GLRB: variants seen among roughly 807,000 people sequenced by gnomAD.
GLRB encodes glycine receptor subunit beta.
GLRB carries 33 observed loss-of-function variants against 54.2 expected under a neutral mutation model. The observed-to-expected ratio is 0.61, with a 90% CI of 0.46 to 0.81. The LOEUF (loss-of-function observed/expected upper bound fraction) is 0.81, where lower values mean the gene tolerates loss of function less well. GLRB is among the 40% of genes least tolerant of loss of function. The pLI, the probability that GLRB is intolerant of heterozygous loss-of-function variation, is 0.00. For missense variants in GLRB, 572 were observed against 584.6 expected (o/e 0.98, Z 0.22); for synonymous variants, 209 against 208.2 (o/e 1.00, Z -0.03).
rs578104026 is a variant in GLRB at position 157,119,624 on chromosome 4, G to A, written c.123-932G>A. The stretch of plus-strand genomic sequence containing the variant: ...AAATATATATATTTTTAATAACAAT[G>A]TCTTTTGGGTTTTTAACAATATTTA... On this transcript the variant is annotated intron_variant, in intron 2 of 9. Transcript: ENST00000264428. Among the ~76,000 whole-genome samples, 14 of 151,692 alleles carry A rather than the reference G, an allele frequency of 9.2e-5. No individual in the cohort carries two copies. The East Asian group carries it at 2.7e-3, about 30-fold the overall frequency.
At chr4:157,132,099 A>G (rs1055469535) in intron 4 of GLRB, among the ~76,000 whole-genome samples, 6 of 151,784 alleles carry the variant, frequency 4.0e-5, no homozygotes, top group African/African-American at 1.2e-4. Context: ...TGGCCATTCA[A>G]ATAGGTGTGT....
intron 4 of GLRB, among the ~76,000 whole-genome samples, chr4:157,134,862 A>G (rs1430326743): frequency 6.6e-6 from 1 of 151,458 alleles, no homozygotes. Flanking sequence ...TTGTTAATGC[A>G]ATTGGTAGTA....
At chr4:157,154,505 G>A (rs139838848) in intron 9 of GLRB, among the ~76,000 whole-genome samples, 4,435 of 131,254 alleles carry the variant, frequency 0.034, 116 homozygotes, top group African/African-American at 0.077. Flanking sequence ...TCGGCTCACC[G>A]CAACATCTGC....
intron 2 of GLRB, among the ~76,000 whole-genome samples, chr4:157,101,884 A>C (rs1735044494): frequency 6.6e-6 from 1 of 151,786 alleles, no homozygotes; most frequent in African/African-American, 2.4e-5. Context: ...TTAATTTTTA[A>C]AGTTGAAATA....
At chr4:157,098,771 A>T (rs547043749) in intron 2 of GLRB, among the ~76,000 whole-genome samples, 403 of 151,326 alleles carry the variant, frequency 2.7e-3, no homozygotes, top group Non-Finnish European at 2.5e-3. Context: ...ATGCTGGCTA[A>T]TTTTTTTTGT....
At chr4:157,160,763 A>G (rs1032392901) in intron 9 of GLRB, among the ~76,000 whole-genome samples, 1 of 152,042 alleles carries the variant, frequency 6.6e-6, no homozygotes. Context: ...TATGTGGTCA[A>G]TTTTGGAATA....
chr4:157,135,753 A>G (rs775739809), intron 4 of GLRB, among the ~76,000 whole-genome samples: 15 of 152,188 alleles, frequency 9.9e-5, no homozygotes, highest in Non-Finnish European at 1.9e-4. Flanking sequence ...TTCAAGGAAG[A>G]TTTTTAGCAA....
chr4:157,137,203 T>C (rs1260241674), intron 6 of GLRB, among the ~76,000 whole-genome samples: 5 of 152,140 alleles, frequency 3.3e-5, no homozygotes, highest in Admixed American at 3.3e-4. Flanking sequence ...CTAATTTCAA[T>C]AGCATTTCTG....
At chr4:157,103,907 T>C (rs183096311) in intron 2 of GLRB, among the ~76,000 whole-genome samples, 27 of 152,056 alleles carry the variant, frequency 1.8e-4, no homozygotes, top group Admixed American at 1.7e-3. Flanking sequence ...TTTACTGAAA[T>C]TTGTTTATCA....
At chr4:157,091,489 G>A (rs1232364054) in intron 2 of GLRB, 2 of 152,130 alleles carry the variant, frequency 1.3e-5, no homozygotes, top group African/African-American at 2.4e-5. Context: ...GTGGAAAAAA[G>A]TAAATAACAT....
chr4:157,095,339 A>T (rs1019594528), intron 2 of GLRB, among the ~76,000 whole-genome samples: 1 of 151,470 alleles, frequency 6.6e-6, no homozygotes, highest in African/African-American at 2.4e-5. Context: ...ATTTACTGAG[A>T]TATCTGTTAA....
At chr4:157,154,506 C>T (rs544657244) in intron 9 of GLRB, among the ~76,000 whole-genome samples, 1 of 149,182 alleles carries the variant, frequency 6.7e-6, no homozygotes, top group East Asian at 2.0e-4. Flanking sequence ...CGGCTCACCG[C>T]AACATCTGCC....
intron 4 of GLRB, among the ~76,000 whole-genome samples, chr4:157,128,443 A>C (rs1736093923): frequency 6.6e-6 from 1 of 151,848 alleles, no homozygotes; most frequent in Non-Finnish European, 1.5e-5. Context: ...TTATTAGTGG[A>C]TATGAAAAAA....
In GLRB at chr4:157,143,803, A is replaced by G. The variant is rs1736703085; in HGVS notation, c.752-4A>G. ...CATGCCTTGAATGTGTTTGCTTCTG[A>G]AAGGCTACTACACATGCGTGGAAGT... On this transcript the variant is annotated splice_region_variant and splice_polypyrimidine_tract_variant and intron_variant, in intron 7 of 9. Coordinates refer to ENST00000264428, the MANE Select transcript of GLRB (RefSeq NM_000824.5). The G allele has an allele frequency of 1.2e-6, 2 of 1,612,490 alleles. No individual in the cohort carries two copies. The highest frequency in any genetic ancestry group is 8.5e-7 in the Non-Finnish European group (1 of 1,179,560).
rs570437332 is a variant in GLRB, at chr4:157,102,849, T to C, written c.123-17707T>C. 1.4e-4 allele frequency among the ~76,000 whole-genome samples: 21 copies of C among 152,290 alleles called. No homozygotes were observed. The South Asian group carries it at 4.4e-3, about 32-fold the overall frequency. On this transcript the variant is annotated intron_variant, in intron 2 of 9. Coordinates refer to ENST00000264428, the MANE Select transcript of GLRB (RefSeq NM_000824.5). ...GCGGAGACTTGGCATTTAAATGTGT[T>C]ACAATTAGGTTCTCTATGTCAAAAG...
intron 2 of GLRB, among the ~76,000 whole-genome samples, chr4:157,110,981 A>G (rs535634192): frequency 6.6e-6 from 1 of 151,996 alleles, no homozygotes; most frequent in African/African-American, 2.4e-5. Flanking sequence ...TCCTTCCCCA[A>G]GAAGAATCTG....
intron 2 of GLRB, among the ~76,000 whole-genome samples, chr4:157,117,259 T>C (rs978731996): frequency 6.6e-6 from 1 of 151,676 alleles, no homozygotes; most frequent in Non-Finnish European, 1.5e-5. Flanking sequence ...AGGCTTACCA[T>C]GGAGCAGGTT....
chr4:157,083,497 G>A (rs1734299759), intron 2 of GLRB, among the ~76,000 whole-genome samples: 1 of 151,956 alleles, frequency 6.6e-6, no homozygotes, highest in Admixed American at 6.6e-5. Context: ...TTACTTGGTG[G>A]GCATATTTTA....
chr4:157,110,727 C>T (rs1229427468), intron 2 of GLRB, among the ~76,000 whole-genome samples: 1 of 151,930 alleles, frequency 6.6e-6, no homozygotes, highest in Non-Finnish European at 1.5e-5. Context: ...AGCAGAAAAA[C>T]CTCTACATCT....
Sources: allele counts gnomAD v4.1 joint callset (sites outside exome capture counted in the v4.1 genomes callset), GRCh38; gene constraint gnomAD v4.1.1; transcripts MANE v1.5; gene names NCBI Gene and HGNC (gene_info 2026-07-23, HGNC 2026-07-21).